The following SSBP2 variants were observed in gnomAD, a reference collection of about 807,000 sequenced individuals.
SSBP2 encodes single stranded DNA binding protein 2, also known as single-stranded DNA-binding protein 2.
A neutral mutation model predicts 61.8 loss-of-function variants in SSBP2; 17 were observed. The observed-to-expected ratio is 0.28, with a 90% confidence interval of 0.19 to 0.41. SSBP2 has a LOEUF of 0.41. SSBP2 is among the 10% of genes least tolerant of loss of function. The probability of loss-of-function intolerance (pLI) is 1.00; values close to 1 mark genes in which losing one functional copy is unlikely to be tolerated. For missense variants in SSBP2, 310 were observed against 458.7 expected (o/e 0.68, Z 2.96); for synonymous variants, 139 against 141.3 (o/e 0.98, Z 0.12).
intron 2 of SSBP2, among the ~76,000 whole-genome samples, chr5:81,646,688 A>ATTTTT: frequency 1.2e-5 from 1 of 85,932 alleles, no homozygotes; most frequent in African/African-American, 4.5e-5. Flanking sequence ...TGATGATGTC[A>ATTTTT]TTTTTTTTTT....
At chr5:81,430,889 G>T (rs1287733844) in intron 15 of SSBP2, among the ~76,000 whole-genome samples, 5 of 152,096 alleles carry the variant, frequency 3.3e-5, no homozygotes, top group African/African-American at 4.8e-5. Flanking sequence ...GGACAATTGG[G>T]TTTTTTTGGT....
chr5:81,746,277 C>T (rs906627271), intron 1 of SSBP2, among the ~76,000 whole-genome samples: 8 of 151,852 alleles, frequency 5.3e-5, no homozygotes, highest in Admixed American at 2.6e-4. Flanking sequence ...CATGACATTT[C>T]GGATACAAGT....
At chr5:81,545,815 G>A (rs895707933) in intron 4 of SSBP2, among the ~76,000 whole-genome samples, 1 of 152,120 alleles carries the variant, frequency 6.6e-6, no homozygotes, top group African/African-American at 2.4e-5. Flanking sequence ...TACCAAAGTG[G>A]CATGAAGAGA....
At chr5:81,627,734 G>A (rs775950389) in intron 3 of SSBP2, among the ~76,000 whole-genome samples, 2 of 152,068 alleles carry the variant, frequency 1.3e-5, no homozygotes, top group Non-Finnish European at 2.9e-5. Context: ...CACTTTAAAA[G>A]GTGCTCTATA....
intron 4 of SSBP2, among the ~76,000 whole-genome samples, chr5:81,547,968 A>T (rs1297408747): frequency 6.6e-6 from 1 of 152,186 alleles, no homozygotes; most frequent in African/African-American, 2.4e-5. Flanking sequence ...ACTATTCTGT[A>T]TGTTACTGTG....
At chr5:81,741,595 A>T (rs1757030277) in intron 1 of SSBP2, among the ~76,000 whole-genome samples, 1 of 152,110 alleles carries the variant, frequency 6.6e-6, no homozygotes, top group South Asian at 2.1e-4. Context: ...AAGCGAAAAA[A>T]CCTTACCTTT....
intron 1 of SSBP2, among the ~76,000 whole-genome samples, chr5:81,749,008 G>A (rs1445953864): frequency 6.6e-6 from 1 of 152,034 alleles, no homozygotes; most frequent in East Asian, 1.9e-4. Context: ...CTCAAATTCA[G>A]TCACCCCCAA....
At chr5:81,635,831 G>A (rs532394069) in intron 3 of SSBP2, among the ~76,000 whole-genome samples, 5 of 152,180 alleles carry the variant, frequency 3.3e-5, no homozygotes, top group South Asian at 2.1e-4. Context: ...TGATCCACCC[G>A]CCTCGGCCTC....
At chr5:81,622,538 A>C (rs1423751355) in intron 3 of SSBP2, among the ~76,000 whole-genome samples, 1 of 152,134 alleles carries the variant, frequency 6.6e-6, no homozygotes, top group Non-Finnish European at 1.5e-5. Context: ...TCCTCTATAA[A>C]ATGGGGTTGC....
chr5:81,545,796 A>C (rs1443371390), intron 4 of SSBP2, among the ~76,000 whole-genome samples: 1 of 152,224 alleles, frequency 6.6e-6, no homozygotes, highest in Non-Finnish European at 1.5e-5. Context: ...CTGATACCAC[A>C]AAAGTTGTTA....
At chr5:81,688,030 T>G (rs901084233) in intron 1 of SSBP2, among the ~76,000 whole-genome samples, 1 of 152,070 alleles carries the variant, frequency 6.6e-6, no homozygotes, top group Non-Finnish European at 1.5e-5. Context: ...TTGGCCACAG[T>G]AGGGTACCTG....
chr5:81,423,058 G>A (rs1213566573), intron 16 of SSBP2, among the ~76,000 whole-genome samples: 2 of 152,228 alleles, frequency 1.3e-5, no homozygotes, highest in Non-Finnish European at 2.9e-5. Context: ...GAAAATAAGT[G>A]GTTAGCAAGA....
At chr5:81,524,890 T>G (rs1044151909) in intron 4 of SSBP2, among the ~76,000 whole-genome samples, 14 of 152,054 alleles carry the variant, frequency 9.2e-5, no homozygotes, top group African/African-American at 3.1e-4. Context: ...CACAAAGGAA[T>G]GGCCCTTTAA....
intron 1 of SSBP2, among the ~76,000 whole-genome samples, chr5:81,698,020 CTTTTT>C (rs558365457): frequency 1.2e-3 from 190 of 152,122 alleles, no homozygotes; most frequent in African/African-American, 4.2e-3. Context: ...TATTCAATTT[CTTTTT>C]TTAAGACACT....
At chr5:81,724,996 T>G (rs147081989) in intron 1 of SSBP2, among the ~76,000 whole-genome samples, 2 of 152,298 alleles carry the variant, frequency 1.3e-5, no homozygotes, top group African/African-American at 4.8e-5. Context: ...ACTTACCTTT[T>G]TAAGTGCTAG....
At chr5:81,662,020 C>T (rs401912) in intron 1 of SSBP2, among the ~76,000 whole-genome samples, 114,416 of 152,094 alleles carry the variant, frequency 0.75, 44,684 homozygotes, top group African/African-American at 0.94. Flanking sequence ...TTTTTGTCTG[C>T]GTTATGAGAT....
At chr5:81,446,990 T>G in intron 11 of SSBP2, 68 bp from the exon 12 acceptor site, 1 of 1,106,724 alleles carries the variant, frequency 9.0e-7, no homozygotes. Flanking sequence ...GTTAGACTTA[T>G]ATCTATAATA....
At chr5:81,717,013 C>T (rs930642677) in intron 1 of SSBP2, among the ~76,000 whole-genome samples, 1 of 152,092 alleles carries the variant, frequency 6.6e-6, no homozygotes, top group African/African-American at 2.4e-5. Context: ...TCTTTAAATA[C>T]AATATTCATC....
intron 5 of SSBP2, among the ~76,000 whole-genome samples, chr5:81,507,624 T>C (rs1042953950): frequency 1.2e-4 from 18 of 152,256 alleles, no homozygotes; most frequent in African/African-American, 4.1e-4. Flanking sequence ...TGAATGTATT[T>C]GGTTATTAGA....
Sources: allele counts gnomAD v4.1 joint callset (sites outside exome capture counted in the v4.1 genomes callset), GRCh38; gene constraint gnomAD v4.1.1; transcripts MANE v1.5; gene names NCBI Gene and HGNC (gene_info 2026-07-23, HGNC 2026-07-21).